The following STK24 variants were observed in gnomAD, a reference collection of about 807,000 sequenced individuals.
The protein encoded by STK24 is serine/threonine kinase 24.
In STK24, 21 loss-of-function variants were observed where a neutral mutation model predicts 55.6. The ratio of observed to expected loss-of-function variants is 0.38; its 90% confidence interval spans 0.27 to 0.54. The LOEUF is 0.54. Among genes scored for constraint, STK24 ranks in the 20% least tolerant of loss-of-function variants. The pLI is 0.79. For synonymous variants in STK24, 200 were observed against 215.2 expected (o/e 0.93, Z 0.62); for missense variants, 383 against 538.4 (o/e 0.71, Z 2.86).
rs186081611 is a variant in STK24 at position 98,501,552 on chromosome 13, A to C, written c.273+17691T>G. Reference sequence around the variant, plus strand: ...CCTTATCTGAATAATAAACTACAAAAATTAGGTACATGATAGAATCGATTG... The same window carrying C: ...CCTTATCTGAATAATAAACTACAAACATTAGGTACATGATAGAATCGATTG... On this transcript the variant is annotated intron_variant, in intron 2 of 10. Coordinates refer to ENST00000539966, the MANE Select transcript of STK24 (RefSeq NM_001032296.4). 1.2e-3 allele frequency among the ~76,000 whole-genome samples: 180 copies of C among 152,356 alleles called. 3 individuals are homozygous for C. Among genetic ancestry groups the C allele is most frequent in the Admixed American group, 9.9e-3 (151 of 15,308 alleles).
At chr13:98,575,890 AAAC>A (rs764956418) in intron 1 of STK24, 235 of 379,342 alleles carry the variant, frequency 6.2e-4, no homozygotes, top group African/African-American at 4.3e-3. Context: ...ACGACAACGA[AAAC>A]AACAACAACA....
chr13:98,576,274 C>T (rs1897889667), intron 1 of STK24: 4 of 955,760 alleles, frequency 4.2e-6, no homozygotes, highest in South Asian at 9.5e-5. Flanking sequence ...CGTCCCCGCC[C>T]TGCCCAGGTC....
intron 2 of STK24, among the ~76,000 whole-genome samples, chr13:98,484,648 C>G (rs143387174): frequency 6.6e-6 from 1 of 152,180 alleles, no homozygotes; most frequent in African/African-American, 2.4e-5. Flanking sequence ...CACGAAGGTA[C>G]GTCACCACTT....
intron 10 of STK24, chr13:98,454,733 G>A (rs1479805705): frequency 6.6e-6 from 1 of 152,232 alleles, no homozygotes; most frequent in Non-Finnish European, 1.5e-5. Flanking sequence ...GGCCACCGTG[G>A]TTTTGGCAGC....
chr13:98,482,975 G>A (rs146671910), intron 2 of STK24, among the ~76,000 whole-genome samples: 5 of 152,324 alleles, frequency 3.3e-5, no homozygotes, highest in South Asian at 4.1e-4. Context: ...TCAAGGCCCC[G>A]GCTCTCACAG....
intron 1 of STK24, among the ~76,000 whole-genome samples, chr13:98,527,779 G>A (rs980706857): frequency 6.6e-6 from 1 of 152,216 alleles, no homozygotes; most frequent in African/African-American, 2.4e-5. Context: ...CACAGACGCA[G>A]AGCCAGCGGC....
At chr13:98,514,363 GAAA>G (rs1290028714) in intron 2 of STK24, among the ~76,000 whole-genome samples, 1 of 152,146 alleles carries the variant, frequency 6.6e-6, no homozygotes, top group South Asian at 2.1e-4. Flanking sequence ...GGGGACCACA[GAAA>G]AAACAATAGA....
chr13:98,513,885 A>G (rs1050444790), intron 2 of STK24, among the ~76,000 whole-genome samples: 18 of 152,236 alleles, frequency 1.2e-4, no homozygotes, highest in African/African-American at 3.9e-4. Context: ...ATGCTTTCAG[A>G]AACTAACATA....
intron 1 of STK24, among the ~76,000 whole-genome samples, chr13:98,567,507 G>T (rs1465860109): frequency 6.6e-6 from 1 of 152,168 alleles, no homozygotes; most frequent in Admixed American, 6.5e-5. Context: ...ACAGGATCTT[G>T]GGACCAAAAA....
chr13:98,497,582 T>C (rs72655621), intron 2 of STK24, among the ~76,000 whole-genome samples: 5,689 of 152,250 alleles, frequency 0.037, 160 homozygotes, highest in South Asian at 0.12. Flanking sequence ...CTTTGAGGAA[T>C]TCAAGAGCTC....
chr13:98,496,327 T>A (rs1369782102), intron 2 of STK24, among the ~76,000 whole-genome samples: 1 of 152,150 alleles, frequency 6.6e-6, no homozygotes, highest in Non-Finnish European at 1.5e-5. Context: ...GTCACAAGGA[T>A]AAAGATTTTG....
At chr13:98,462,509 C>T (rs1893748973) in intron 7 of STK24, among the ~76,000 whole-genome samples, 1 of 152,132 alleles carries the variant, frequency 6.6e-6, no homozygotes, top group South Asian at 2.1e-4. Context: ...ATGCCTGTGG[C>T]CCCATTAAGC....
chr13:98,503,786 C>CT (rs1566372948), intron 2 of STK24, among the ~76,000 whole-genome samples: 1 of 152,076 alleles, frequency 6.6e-6, no homozygotes, highest in Admixed American at 6.5e-5. Context: ...AAGATTTTTC[C>CT]TTTTTTAAAA....
intron 3 of STK24, among the ~76,000 whole-genome samples, chr13:98,480,956 G>A (rs1894559587): frequency 6.6e-6 from 1 of 152,186 alleles, no homozygotes; most frequent in Non-Finnish European, 1.5e-5. Flanking sequence ...CTATGCTAAA[G>A]TAACACAGCT....
rs766113572 is a variant in STK24 at position 98,446,707 on chromosome 13, G to A, written c.*6466C>T. On this transcript the variant is annotated 3_prime_UTR_variant, in exon 11 of 11. Coordinates refer to ENST00000539966, the MANE Select transcript of STK24 (RefSeq NM_001032296.4). ...CCAGCCTGCCTCTGCTCGGCTACTC[G>A]CTCACCATCCCCTCTGAGTCCGAGA... 23 of 1,613,968 alleles carry A rather than the reference G, an allele frequency of 1.4e-5. No homozygotes were observed. The highest frequency in any genetic ancestry group is 2.2e-5 in the East Asian group (1 of 44,872).
intron 5 of STK24, among the ~76,000 whole-genome samples, chr13:98,469,286 C>T (rs1429293941): frequency 2.0e-5 from 3 of 152,176 alleles, no homozygotes; most frequent in Non-Finnish European, 2.9e-5. Context: ...CGGTGGCTCA[C>T]GCCTGTAATC....
At position 98,466,699 on chromosome 13, in the gene STK24, A is replaced by G. The variant is rs571848538; in HGVS notation, c.598-138T>C. On this transcript the variant is annotated intron_variant, in intron 5 of 10. Transcript: ENST00000539966. ...ATTTTTAACTGATATTTAAAAACAT[A>G]AGCCCTCGCTGTAATTTCAAAAGAG... The G allele has an allele frequency of 2.7e-4, 258 of 955,334 alleles. No individual in the cohort carries two copies. The African/African-American group carries it at 4.1e-3, about 15-fold the overall frequency. 59.2% of individuals were successfully genotyped at this position (955,334 alleles called of 1,614,324 possible).
At chr13:98,538,264 T>C (rs1896792026) in intron 1 of STK24, among the ~76,000 whole-genome samples, 1 of 145,478 alleles carries the variant, frequency 6.9e-6, no homozygotes, top group Non-Finnish European at 1.5e-5. Context: ...CTCGCTCTGT[T>C]GACCAGGCTT....
At chr13:98,575,428 C>CACACAT (rs1186711568) in intron 1 of STK24, among the ~76,000 whole-genome samples, 1 of 140,288 alleles carries the variant, frequency 7.1e-6, no homozygotes, top group African/African-American at 2.9e-5. Flanking sequence ...CACACACACA[C>CACACAT]ATATACACAC....
Sources: allele counts gnomAD v4.1 joint callset (sites outside exome capture counted in the v4.1 genomes callset), GRCh38; gene constraint gnomAD v4.1.1; transcripts MANE v1.5; gene names NCBI Gene and HGNC (gene_info 2026-07-23, HGNC 2026-07-21).